The following CWF19L2 variants were observed in gnomAD, a reference collection of about 807,000 sequenced individuals.
CWF19L2 encodes the protein CWF19-like protein 2.
CWF19L2 carries 98 observed loss-of-function variants against 111.7 expected under a neutral mutation model. The ratio of observed to expected loss-of-function variants is 0.88; its 90% CI spans 0.75 to 1.04. The LOEUF (loss-of-function observed/expected upper bound fraction) is 1.04, where lower values mean the gene tolerates loss of function less well. Ranked by LOEUF, CWF19L2 falls within the 50% of genes least tolerant of loss-of-function variation. The pLI, the probability that CWF19L2 is intolerant of heterozygous loss-of-function variation, is 0.00. For synonymous variants in CWF19L2, 351 were observed against 342.9 expected (o/e 1.02, Z -0.26); for missense variants, 1,101 against 1,051.4 (o/e 1.05, Z -0.65).
At chr11:107,445,339 C>T (rs1476606309) in intron 3 of CWF19L2, among the ~76,000 whole-genome samples, 1 of 152,182 alleles carries the variant, frequency 6.6e-6, no homozygotes, top group African/African-American at 2.4e-5. Context: ...GGCGCGGTGG[C>T]TCACGCCTGT....
At chr11:107,402,869 G>T (rs1314614681) in intron 10 of CWF19L2, among the ~76,000 whole-genome samples, 3 of 22,022 alleles carry the variant, frequency 1.4e-4, no homozygotes, top group Admixed American at 1.1e-3. Context: ...ACAAACTGTG[G>T]TGTGTATATA....
chr11:107,367,843 A>T (rs1398142083), intron 12 of CWF19L2, among the ~76,000 whole-genome samples: 1 of 137,182 alleles, frequency 7.3e-6, no homozygotes, highest in African/African-American at 2.9e-5. Flanking sequence ...AAAAAAAGAA[A>T]TGCTACTGAT....
chr11:107,356,968 G>A (rs549517602), intron 12 of CWF19L2, among the ~76,000 whole-genome samples: 96 of 152,230 alleles, frequency 6.3e-4, no homozygotes, highest in African/African-American at 2.0e-3. Context: ...AACCCAGGAG[G>A]CGGAGGTTGC....
At chr11:107,412,609 G>A (rs1340740547) in intron 10 of CWF19L2, among the ~76,000 whole-genome samples, 1 of 152,192 alleles carries the variant, frequency 6.6e-6, no homozygotes, top group Non-Finnish European at 1.5e-5. Context: ...CCAAAGTGCT[G>A]GGATTACAGG....
chr11:107,452,934 G>A (rs531070637), intron 3 of CWF19L2, among the ~76,000 whole-genome samples: 1 of 152,256 alleles, frequency 6.6e-6, no homozygotes, highest in East Asian at 1.9e-4. Context: ...CCATGATGGT[G>A]CCACTGCACT....
At chr11:107,433,402 T>C (rs1861492470) in intron 7 of CWF19L2, among the ~76,000 whole-genome samples, 1 of 152,146 alleles carries the variant, frequency 6.6e-6, no homozygotes, top group African/African-American at 2.4e-5. Context: ...AAGAAAATTT[T>C]TTTTACATTA....
intron 10 of CWF19L2, among the ~76,000 whole-genome samples, chr11:107,397,855 A>AAC (rs1555022689): frequency 2.8e-5 from 4 of 141,700 alleles, no homozygotes; most frequent in African/African-American, 7.8e-5. Context: ...CTCTGTGAAA[A>AAC]CCCCCCGTAC....
intron 10 of CWF19L2, among the ~76,000 whole-genome samples, chr11:107,407,078 T>C (rs965619130): frequency 1.3e-5 from 2 of 152,062 alleles, no homozygotes; most frequent in African/African-American, 4.8e-5. Context: ...ATTCTGGAGT[T>C]TCACTCAACT....
chr11:107,412,106 G>A (rs1277862036), intron 10 of CWF19L2, among the ~76,000 whole-genome samples: 1 of 152,152 alleles, frequency 6.6e-6, no homozygotes, highest in Non-Finnish European at 1.5e-5. Flanking sequence ...AAATGTGCCT[G>A]ATTCAGGAAT....
chr11:107,329,777 T>G, intron 17 of CWF19L2, 141 bp downstream of exon 17: 1 of 509,794 alleles, frequency 2.0e-6, no homozygotes, highest in South Asian at 3.4e-5. Context: ...TAATAGTTGC[T>G]AGGTATTCCC....
intron 12 of CWF19L2, among the ~76,000 whole-genome samples, chr11:107,355,457 A>G (rs924813158): frequency 5.9e-5 from 9 of 152,082 alleles, no homozygotes; most frequent in Non-Finnish European, 1.3e-4. Context: ...AACAACAACA[A>G]AAAACAAAAC....
In CWF19L2 at chr11:107,455,788, G is replaced by C; in HGVS notation, c.106-12C>G. ...AAATTGGCTTTAGCCTACAACCAAAGAAAAAAAAAAGACAAACTGGCAATT... is the reference window on the plus strand; with the variant it reads ...AAATTGGCTTTAGCCTACAACCAAACAAAAAAAAAAGACAAACTGGCAATT... On this transcript the variant is annotated splice_polypyrimidine_tract_variant and intron_variant, in intron 1 of 17. Transcript: ENST00000282251. The C allele has an allele frequency of 9.9e-5, 129 of 1,299,536 alleles. No homozygotes were observed. Among genetic ancestry groups the C allele is most frequent in the East Asian group, 6.0e-5 (2 of 33,606 alleles). 80.5% of individuals were successfully genotyped at this position (1,299,536 alleles called of 1,614,324 possible).
chr11:107,354,353 A>G (rs892599095), intron 12 of CWF19L2, among the ~76,000 whole-genome samples: 2 of 152,190 alleles, frequency 1.3e-5, no homozygotes, highest in Non-Finnish European at 2.9e-5. Flanking sequence ...AGTCAAAATG[A>G]CCATGGTAAA....
chr11:107,430,355 A>G (rs562409553), intron 7 of CWF19L2, among the ~76,000 whole-genome samples: 2 of 152,254 alleles, frequency 1.3e-5, no homozygotes, highest in South Asian at 4.1e-4. Flanking sequence ...ATAAGTAAAT[A>G]ATAGAATGAA....
intron 10 of CWF19L2, among the ~76,000 whole-genome samples, chr11:107,414,504 C>G (rs1861199277): frequency 6.6e-6 from 1 of 152,142 alleles, no homozygotes; most frequent in Non-Finnish European, 1.5e-5. Context: ...ATTTCTATCT[C>G]CAGCACAGAG....
intron 3 of CWF19L2, among the ~76,000 whole-genome samples, chr11:107,447,664 A>G (rs1861719672): frequency 6.6e-6 from 1 of 152,244 alleles, no homozygotes; most frequent in African/African-American, 2.4e-5. Flanking sequence ...ATTCACAAGT[A>G]ATTAACTGTA....
intron 1 of CWF19L2, among the ~76,000 whole-genome samples, 182 bp downstream of exon 1, chr11:107,457,530 C>A (rs2135435170): frequency 6.6e-6 from 1 of 152,194 alleles, no homozygotes; most frequent in East Asian, 1.9e-4. Context: ...CTGGCACCTG[C>A]CAGAACATCT....
chr11:107,389,148 C>T (rs1174186615), intron 12 of CWF19L2, among the ~76,000 whole-genome samples: 1 of 152,150 alleles, frequency 6.6e-6, no homozygotes, highest in Non-Finnish European at 1.5e-5. Flanking sequence ...AAAAGATATA[C>T]AGTGAAAGGT....
chr11:107,388,382 T>C (rs1269514501), intron 12 of CWF19L2, among the ~76,000 whole-genome samples: 2 of 151,828 alleles, frequency 1.3e-5, no homozygotes, highest in Non-Finnish European at 2.9e-5. Context: ...GACAAATGGC[T>C]ATACAATTTT....
Sources: allele counts gnomAD v4.1 joint callset (sites outside exome capture counted in the v4.1 genomes callset), GRCh38; gene constraint gnomAD v4.1.1; transcripts MANE v1.5; gene names NCBI Gene and HGNC (gene_info 2026-07-23, HGNC 2026-07-21).